Variants in MTMR9 observed in about 807,000 individuals in gnomAD.
MTMR9 encodes the protein myotubularin related protein 9, also known as myotubularin-related protein 9.
A neutral mutation model predicts 69.5 loss-of-function variants in MTMR9; 39 were observed. That is an observed-to-expected ratio of 0.56 (90% CI 0.43 to 0.73). The LOEUF (loss-of-function observed/expected upper bound fraction) is 0.73. MTMR9 is among the 30% of genes least tolerant of loss of function. The pLI is 0.00. For synonymous variants in MTMR9, 354 were observed against 240.8 expected (o/e 1.47, Z -4.35); for missense variants, 900 against 671.2 (o/e 1.34, Z -3.77).
intron 5 of MTMR9, among the ~76,000 whole-genome samples, chr8:11,306,805 C>G (rs1425217019): frequency 6.6e-6 from 1 of 152,132 alleles, no homozygotes; most frequent in African/African-American, 2.4e-5. Flanking sequence ...CTAATTCCTC[C>G]TAAGTGAAAC....
intron 8 of MTMR9, 89 bp from the exon 9 acceptor site, chr8:11,319,598 A>G: frequency 7.5e-7 from 1 of 1,327,790 alleles, no homozygotes; most frequent in Non-Finnish European, 1.1e-6. Flanking sequence ...CTTCTTTCAT[A>G]CTGAGAAGAA....
At position 11,322,799 on chromosome 8, in the gene MTMR9, C is replaced by T. The variant is rs548388712; in HGVS notation, c.*11C>T. On this transcript the variant is annotated 3_prime_UTR_variant, in exon 10 of 10. Coordinates refer to ENST00000221086, the MANE Select transcript of MTMR9 (RefSeq NM_015458.4). ...CAGGAGAGTCCCTGAAAGGTCTCCT[C>T]GCACCCTTCGCAAGGACCTTCTTGG... 28 of 1,606,420 alleles carry T rather than the reference C, an allele frequency of 1.7e-5. No homozygotes were observed. The highest frequency in any genetic ancestry group is 3.3e-4 in the Middle Eastern group (2 of 6,030).
chr8:11,318,191 C>G (rs958699618), intron 8 of MTMR9: 1 of 152,194 alleles, frequency 6.6e-6, no homozygotes. Context: ...GATTCCCATT[C>G]TGTTTCCCAG....
chr8:11,299,439 T>C (rs887858906), intron 2 of MTMR9, among the ~76,000 whole-genome samples: 2 of 151,806 alleles, frequency 1.3e-5, no homozygotes, highest in African/African-American at 4.9e-5. Flanking sequence ...AGGTATGTTA[T>C]TTCCCCCATT....
intron 1 of MTMR9, among the ~76,000 whole-genome samples, chr8:11,286,583 T>C (rs1433131338): frequency 2.7e-5 from 4 of 150,006 alleles, no homozygotes; most frequent in Non-Finnish European, 5.9e-5. Flanking sequence ...GAAAAATCGC[T>C]TGAACCTTGG....
At chr8:11,296,233 T>C (rs1400308696) in intron 2 of MTMR9, among the ~76,000 whole-genome samples, 2 of 152,164 alleles carry the variant, frequency 1.3e-5, no homozygotes, top group Non-Finnish European at 2.9e-5. Context: ...GTTTTCTACG[T>C]TTTATAAAAC....
At chr8:11,300,304 A>G in intron 3 of MTMR9, 156 bp downstream of exon 3, 2 of 697,032 alleles carry the variant, frequency 2.9e-6, no homozygotes, top group Non-Finnish European at 4.6e-6. Context: ...CATGCAGAGT[A>G]TGATCTCTGA....
chr8:11,294,107 G>T (rs559894454), intron 1 of MTMR9, among the ~76,000 whole-genome samples: 1 of 152,154 alleles, frequency 6.6e-6, no homozygotes, highest in East Asian at 1.9e-4. Context: ...GAATTATGTT[G>T]TATCACTGGA....
At chr8:11,335,773 TG>T in the MTMR9 span, among the ~76,000 whole-genome samples, 5 of 152,358 alleles carry the variant, frequency 3.3e-5, no homozygotes, top group Admixed American at 6.5e-5. Flanking sequence ...CATCTATACA[TG>T]GCATACTCCC....
chr8:11,299,683 C>T (rs1350956412), intron 2 of MTMR9, among the ~76,000 whole-genome samples: 1 of 152,196 alleles, frequency 6.6e-6, no homozygotes, highest in East Asian at 1.9e-4. Flanking sequence ...AACTGATCCC[C>T]AGAAATACTT....
chr8:11,323,718 T>C lies in MTMR9; in HGVS notation c.*930T>C, dbSNP rs977778137. 2.6e-5 allele frequency: 4 copies of C among 152,212 alleles called. No individual in the cohort carries two copies. In the South Asian group the frequency reaches 8.3e-4, roughly 31 times the overall value. The allele number at this position is 152,212 out of a possible 1,614,324, so 9.4% of individuals were successfully genotyped here. A position where few individuals can be genotyped will look rare whatever the true frequency, so the allele number is the denominator to read the frequency against. On this transcript the variant is annotated 3_prime_UTR_variant, in exon 10 of 10. Coordinates refer to ENST00000221086, the MANE Select transcript of MTMR9 (RefSeq NM_015458.4). ...CTGGTTTATATGTGTATGTGTGTTT[T>C]ATTGTGTGTTTTTTTAATTTGTAAG...
intron 6 of MTMR9, among the ~76,000 whole-genome samples, chr8:11,314,390 T>G (rs1434836331): frequency 6.6e-6 from 1 of 152,228 alleles, no homozygotes; most frequent in African/African-American, 2.4e-5. Flanking sequence ...TTTGTTTTTT[T>G]TCCTGTTGTC....
At chr8:11,309,743 G>A (rs1036483924) in intron 6 of MTMR9, 55 bp downstream of exon 6, 1 of 1,580,482 alleles carries the variant, frequency 6.3e-7, no homozygotes, top group South Asian at 1.1e-5. Context: ...ACTAGACTTT[G>A]TGTTTATCCA....
chr8:11,337,024 C>T, the MTMR9 span, among the ~76,000 whole-genome samples: 3 of 152,224 alleles, frequency 2.0e-5, no homozygotes, highest in South Asian at 4.2e-4. Context: ...TGGTAATCTG[C>T]AGAAGGGGGC....
chr8:11,307,681 C>T (rs1585123141), intron 5 of MTMR9, among the ~76,000 whole-genome samples: 1 of 152,102 alleles, frequency 6.6e-6, no homozygotes, highest in African/African-American at 2.4e-5. Flanking sequence ...ACAGGGGTTC[C>T]CTTTTGTCCA....
intron 8 of MTMR9, chr8:11,319,007 T>C (rs1800546858): frequency 6.6e-6 from 1 of 151,964 alleles, no homozygotes; most frequent in African/African-American, 2.4e-5. Context: ...GGATGATGGG[T>C]GCACCAGAAT....
At chr8:11,286,162 C>A (rs1008049812) in intron 1 of MTMR9, among the ~76,000 whole-genome samples, 9 of 151,612 alleles carry the variant, frequency 5.9e-5, no homozygotes. Context: ...CCATATTGAC[C>A]AGGCTGGTCT....
rs1193393277 is a variant in MTMR9 at position 11,315,038 on chromosome 8, G to T, written c.1087G>T (p.Ala363Ser). 3.1e-6 allele frequency: 5 copies of T among 1,613,734 alleles called. No homozygotes were observed. The highest frequency in any genetic ancestry group is 1.3e-5 in the African/African-American group (1 of 75,018). ...PRSRTIRGFE[A>S]LIEREWLQAG... The stretch of plus-strand genomic sequence containing the variant: ...AAGCAGGACCATTCGTGGTTTTGAG[G>T]CCCTGATTGAAAGAGAGTGGCTGCA... Residue 363 changes from alanine to serine, a missense_variant, in exon 7 of 10, where the codon GCC becomes TCC. By Grantham distance (99) the Ala-to-Ser change is moderately conservative. Transcript: ENST00000221086.
intron 3 of MTMR9, among the ~76,000 whole-genome samples, chr8:11,301,772 ATAATC>A (rs898572167): frequency 2.9e-4 from 44 of 152,362 alleles, no homozygotes; most frequent in African/African-American, 8.9e-4. Context: ...AGATAAAAGA[ATAATC>A]TAATGCAAAT....
Sources: gnomAD v4.1 joint callset for allele counts (sites outside exome capture counted in the v4.1 genomes callset) on GRCh38, gnomAD v4.1.1 for gene constraint, MANE v1.5 for transcripts, NCBI Gene and HGNC (gene_info 2026-07-23, HGNC 2026-07-21) for gene names.